ATP2A2: variants seen among roughly 807,000 people sequenced by gnomAD.
ATP2A2 encodes the protein ATPase sarcoplasmic/endoplasmic reticulum Ca2+ transporting 2, also known as sarcoplasmic/endoplasmic reticulum calcium ATPase 2.
Under a neutral mutation model 109.3 loss-of-function variants are expected in ATP2A2, and 14 were observed. That is an observed-to-expected ratio of 0.13 (90% CI 0.08 to 0.20). ATP2A2 has a LOEUF of 0.20. ATP2A2 is among the 10% of genes least tolerant of loss of function. The pLI is 1.00. For missense variants in ATP2A2, 657 were observed against 1,321.6 expected (o/e 0.50, Z 7.80); for synonymous variants, 506 against 490.9 (o/e 1.03, Z -0.41).
At chr12:110,345,225 G>A (rs1301007727) in intron 17 of ATP2A2, 24 bp from the exon 18 acceptor site, 5 of 1,614,014 alleles carry the variant, frequency 3.1e-6, no homozygotes, top group Non-Finnish European at 4.2e-6. Flanking sequence ...GGGCTGATAG[G>A]AATTTGATTG....
In ATP2A2 at chr12:110,347,262, T is replaced by C; in HGVS notation, c.*792T>C. ...CAGACATTGTTTTGCCAACATTGCCTATTTCAGTGGCACGTCATCTAGTTT... is the reference window on the plus strand; with the variant it reads ...CAGACATTGTTTTGCCAACATTGCCCATTTCAGTGGCACGTCATCTAGTTT... On this transcript the variant is annotated 3_prime_UTR_variant, in exon 20 of 20. Transcript: ENST00000539276. 1.6e-6 allele frequency: 2 copies of C among 1,239,114 alleles called. No homozygotes were observed. Among genetic ancestry groups the C allele is most frequent in the Non-Finnish European group, 2.1e-6 (2 of 963,836 alleles). The allele number at this position is 1,239,114 out of a possible 1,614,324, so 76.8% of individuals were successfully genotyped here. A position where few individuals can be genotyped will look rare whatever the true frequency, so the allele number is the denominator to read the frequency against.
At chr12:110,345,177 T>C (rs1288552719) in intron 17 of ATP2A2, 72 bp from the exon 18 acceptor site, 2 of 1,610,344 alleles carry the variant, frequency 1.2e-6, no homozygotes, top group Non-Finnish European at 1.7e-6. Flanking sequence ...TGTGCTAGGC[T>C]TGGTATGGGG....
Position 110,349,915 on chromosome 12 carries a change from T to G in ATP2A2, c.*3445T>G. The G allele has an allele frequency of 2.7e-6, 3 of 1,126,784 alleles. No homozygotes were observed. The highest frequency in any genetic ancestry group is 3.3e-6 in the Non-Finnish European group (3 of 915,144). The allele number at this position is 1,126,784 out of a possible 1,614,324, so 69.8% of individuals were successfully genotyped here. ...CCACAGGGCAGGGACAGGAAGGCTG[T>G]GCTGCTACTGGCTGCTCACTTCTCC... is the stretch of plus-strand genomic sequence containing the variant. On this transcript the variant is annotated 3_prime_UTR_variant, in exon 20 of 20. Transcript: ENST00000539276.
At chr12:110,289,587 CAG>C (rs1468856106) in intron 3 of ATP2A2, among the ~76,000 whole-genome samples, 1 of 152,138 alleles carries the variant, frequency 6.6e-6, no homozygotes, top group Non-Finnish European at 1.5e-5. Context: ...CCTGCTCAAA[CAG>C]ATATTTCTTA....
At chr12:110,285,042 GT>G (rs1178559959) in intron 3 of ATP2A2, among the ~76,000 whole-genome samples, 1 of 152,092 alleles carries the variant, frequency 6.6e-6, no homozygotes, top group Admixed American at 6.6e-5. Flanking sequence ...GAATATTCAG[GT>G]TTTTTTGGAG....
At chr12:110,300,643 CTTTTT>C (rs537191134) in intron 5 of ATP2A2, among the ~76,000 whole-genome samples, 3 of 131,238 alleles carry the variant, frequency 2.3e-5, no homozygotes, top group Non-Finnish European at 3.3e-5. Context: ...CATGCCCGGC[CTTTTT>C]TTTTTTTTTT....
In ATP2A2 at chr12:110,350,822, A is replaced by C. The variant is rs1031661861; in HGVS notation, c.*4352A>C. On this transcript the variant is annotated 3_prime_UTR_variant, in exon 20 of 20. Transcript: ENST00000539276. ...TTGAATGGTTAAAATGTAGGCCTCC[A>C]GTTCATTTTCAGTTATTTTCTGAGT... The C allele has an allele frequency of 2.5e-5, 4 of 162,558 alleles. No homozygotes were observed. Among genetic ancestry groups the C allele is most frequent in the Admixed American group, 1.7e-4 (3 of 17,614 alleles). The allele number at this position is 162,558 out of a possible 1,614,324, so 10.1% of individuals were successfully genotyped here. A position where few individuals can be genotyped will look rare whatever the true frequency, so the allele number is the denominator to read the frequency against.
chr12:110,306,415 A>G (rs559466673), intron 5 of ATP2A2, among the ~76,000 whole-genome samples: 10 of 152,164 alleles, frequency 6.6e-5, no homozygotes, highest in African/African-American at 2.2e-4. Flanking sequence ...TTAATGTGTG[A>G]TGCTGAGGTT....
At position 110,347,942 on chromosome 12, in the gene ATP2A2, C is replaced by T. The variant is rs1234900116; in HGVS notation, c.*1472C>T. The T allele has an allele frequency of 5.1e-6, 5 of 986,804 alleles. No homozygotes were observed. The highest frequency in any genetic ancestry group is 6.1e-5 in the Admixed American group (1 of 16,466). The allele number at this position is 986,804 out of a possible 1,614,324, so 61.1% of individuals were successfully genotyped here. ...CTGTGAGCACCGGGGTTGCCTGTGGCGCCTGCCATGTGACTCGGGCGCAGC... is the reference window on the plus strand; with the variant it reads ...CTGTGAGCACCGGGGTTGCCTGTGGTGCCTGCCATGTGACTCGGGCGCAGC... On this transcript the variant is annotated 3_prime_UTR_variant, in exon 20 of 20. Transcript: ENST00000539276.
intron 5 of ATP2A2, among the ~76,000 whole-genome samples, chr12:110,314,431 T>G (rs974179974): frequency 6.6e-6 from 1 of 151,932 alleles, no homozygotes; most frequent in African/African-American, 2.4e-5. Flanking sequence ...GACATAAACT[T>G]GGTGGGAGTA....
In ATP2A2 at chr12:110,350,204, G is replaced by A. The variant is rs917187011; in HGVS notation, c.*3734G>A. 5.6e-6 allele frequency: 9 copies of A among 1,612,668 alleles called. No homozygotes were observed. The African/African-American group carries it at 6.7e-5, about 12-fold the overall frequency. On this transcript the variant is annotated 3_prime_UTR_variant, in exon 20 of 20. Transcript: ENST00000539276. ...AGCTGAATGTTCCTTTTCATCTGTC[G>A]CTGTTGATCTTCATCTATTTAAATA... is the stretch of plus-strand genomic sequence containing the variant.
intron 3 of ATP2A2, among the ~76,000 whole-genome samples, chr12:110,286,971 G>A (rs1300190283): frequency 2.6e-5 from 4 of 152,026 alleles, no homozygotes; most frequent in Non-Finnish European, 4.4e-5. Flanking sequence ...TTATTTGGCC[G>A]GGTGCAGTGA....
intron 5 of ATP2A2, among the ~76,000 whole-genome samples, chr12:110,309,563 A>C (rs924545500): frequency 6.6e-6 from 1 of 152,166 alleles, no homozygotes; most frequent in African/African-American, 2.4e-5. Flanking sequence ...TCTAGAACAC[A>C]AGAGCCAAAT....
chr12:110,343,001 A>G (rs1205352762), intron 15 of ATP2A2, among the ~76,000 whole-genome samples: 2 of 152,100 alleles, frequency 1.3e-5, no homozygotes, highest in African/African-American at 4.8e-5. Flanking sequence ...TGGCTTCCCA[A>G]AGTGCTGGGA....
chr12:110,333,053 G>T, intron 9 of ATP2A2, 128 bp from the exon 10 acceptor site: 2 of 855,626 alleles, frequency 2.3e-6, no homozygotes, highest in Non-Finnish European at 3.9e-6. Context: ...AAATTGTTTG[G>T]AATTTTTTCC....
At chr12:110,335,624 A>G (rs1878766699) in intron 11 of ATP2A2, among the ~76,000 whole-genome samples, 2 of 152,238 alleles carry the variant, frequency 1.3e-5, no homozygotes, top group African/African-American at 4.8e-5. Context: ...TGCAGATAAG[A>G]TGTTGCAATA....
chr12:110,287,487 C>T (rs1479441161), intron 3 of ATP2A2, among the ~76,000 whole-genome samples: 1 of 152,094 alleles, frequency 6.6e-6, no homozygotes, highest in Non-Finnish European at 1.5e-5. Flanking sequence ...ATGTATGTCC[C>T]AGAAGACAGG....
At chr12:110,301,221 C>G (rs1442734354) in intron 5 of ATP2A2, among the ~76,000 whole-genome samples, 1 of 152,104 alleles carries the variant, frequency 6.6e-6, no homozygotes, top group Non-Finnish European at 1.5e-5. Context: ...AGAAATTACC[C>G]CCAAAGCCTT....
Position 110,349,845 on chromosome 12 carries a change from T to C in ATP2A2, c.*3375T>C. The C allele has an allele frequency of 1.9e-6, 2 of 1,042,866 alleles. No individual in the cohort carries two copies. Among genetic ancestry groups the C allele is most frequent in the Non-Finnish European group, 2.3e-6 (2 of 864,530 alleles). The allele number at this position is 1,042,866 out of a possible 1,614,324, so 64.6% of individuals were successfully genotyped here. A position where few individuals can be genotyped will look rare whatever the true frequency, so the allele number is the denominator to read the frequency against. On this transcript the variant is annotated 3_prime_UTR_variant, in exon 20 of 20. Transcript: ENST00000539276. ...AGGAGAATGATGCGGAGGAGTTTCC[T>C]CTCCAGGGCTAGGCAAGGCAGGCGA...
Sources: allele counts gnomAD v4.1 joint callset (sites outside exome capture counted in the v4.1 genomes callset), GRCh38; gene constraint gnomAD v4.1.1; transcripts MANE v1.5; gene names NCBI Gene and HGNC (gene_info 2026-07-23, HGNC 2026-07-21).